Variants in PTPRD observed in about 807,000 individuals in gnomAD.
PTPRD encodes protein tyrosine phosphatase receptor type D.
PTPRD carries 34 observed loss-of-function variants against 214.5 expected under a neutral mutation model. That is an observed-to-expected ratio of 0.16 (90% CI 0.12 to 0.21). The LOEUF is 0.21. Among genes scored for constraint, PTPRD ranks in the 10% least tolerant of loss-of-function variants. The pLI is 1.00. For synonymous variants in PTPRD, 1,128 were observed against 845.7 expected, an observed-to-expected ratio of 1.33 and a Z score of -5.79; for missense variants, 2,545 against 2,398.7, an observed-to-expected ratio of 1.06 and a Z score of -1.27.
chr9:10,298,420 T>A (rs1162306807), intron 3 of PTPRD, among the ~76,000 whole-genome samples: 1 of 152,134 alleles, frequency 6.6e-6, no homozygotes, highest in East Asian at 1.9e-4. Context: ...ATGCATTCAA[T>A]TTCCAATAAC....
intron 35 of PTPRD, among the ~76,000 whole-genome samples, chr9:8,434,618 A>G (rs996570992): frequency 6.6e-6 from 1 of 152,194 alleles, no homozygotes; most frequent in African/African-American, 2.4e-5. Flanking sequence ...TTTGTAACCC[A>G]TTACATAACT....
At chr9:9,706,177 A>T (rs558678155) in intron 7 of PTPRD, among the ~76,000 whole-genome samples, 2 of 152,206 alleles carry the variant, frequency 1.3e-5, no homozygotes, top group South Asian at 4.2e-4. Flanking sequence ...TTACTCCCTA[A>T]TCTAGGGAAA....
intron 3 of PTPRD, among the ~76,000 whole-genome samples, chr9:10,243,365 C>T (rs1221122730): frequency 1.3e-5 from 2 of 151,888 alleles, no homozygotes; most frequent in African/African-American, 4.8e-5. Flanking sequence ...ATGTTTATCA[C>T]TTTGTCTACC....
At chr9:8,498,924 T>C (rs2097336455) in intron 25 of PTPRD, among the ~76,000 whole-genome samples, 1 of 152,184 alleles carries the variant, frequency 6.6e-6, no homozygotes. Flanking sequence ...CAATGCTCTG[T>C]TTTAAACAAC....
chr9:10,221,189 T>A (rs2099569829), intron 3 of PTPRD, among the ~76,000 whole-genome samples: 1 of 152,022 alleles, frequency 6.6e-6, no homozygotes, highest in African/African-American at 2.4e-5. Context: ...TGAAAAGTAT[T>A]TTCCCTTTGT....
intron 8 of PTPRD, among the ~76,000 whole-genome samples, chr9:9,469,626 T>C (rs997486464): frequency 2.6e-5 from 4 of 152,216 alleles, no homozygotes; most frequent in Non-Finnish European, 5.9e-5. Context: ...TTTGAGCATA[T>C]ACATTCTACA....
intron 9 of PTPRD, among the ~76,000 whole-genome samples, chr9:9,210,741 C>G (rs2099947991): frequency 6.6e-6 from 1 of 152,126 alleles, no homozygotes; most frequent in Admixed American, 6.5e-5. Flanking sequence ...CTAAACATCT[C>G]CTTTCTCTTT....
At chr9:8,690,745 T>C (rs949842389) in intron 12 of PTPRD, among the ~76,000 whole-genome samples, 2 of 152,092 alleles carry the variant, frequency 1.3e-5, no homozygotes, top group Non-Finnish European at 2.9e-5. Flanking sequence ...AATTTCACAA[T>C]AGTGAAATCT....
chr9:9,050,381 T>A (rs1009057097), intron 10 of PTPRD, among the ~76,000 whole-genome samples: 3 of 152,172 alleles, frequency 2.0e-5, no homozygotes, highest in African/African-American at 4.8e-5. Context: ...ATTTGAACCA[T>A]GGACGTTTCC....
At chr9:8,983,090 AT>A (rs1555648559) in intron 11 of PTPRD, among the ~76,000 whole-genome samples, 1 of 152,034 alleles carries the variant, frequency 6.6e-6, no homozygotes, top group Non-Finnish European at 1.5e-5. Flanking sequence ...TTTTTCATAA[AT>A]CATTTTTTCT....
chr9:9,397,103 G>C (rs1344701220), intron 9 of PTPRD, among the ~76,000 whole-genome samples: 1 of 151,910 alleles, frequency 6.6e-6, no homozygotes, highest in Non-Finnish European at 1.5e-5. Flanking sequence ...AGTATCCACT[G>C]GGTATTCTGC....
At chr9:9,353,488 G>A (rs1351281854) in intron 9 of PTPRD, among the ~76,000 whole-genome samples, 1 of 151,794 alleles carries the variant, frequency 6.6e-6, no homozygotes, top group Non-Finnish European at 1.5e-5. Flanking sequence ...GGCTGGGGCT[G>A]GGAGTCCACT....
chr9:9,775,778 C>T (rs1168168041), intron 5 of PTPRD, among the ~76,000 whole-genome samples: 1 of 151,900 alleles, frequency 6.6e-6, no homozygotes, highest in African/African-American at 2.4e-5. Flanking sequence ...CCAGTCTCTA[C>T]TGAAAATAGA....
At chr9:9,595,836 G>C (rs2093306450) in intron 7 of PTPRD, among the ~76,000 whole-genome samples, 1 of 151,604 alleles carries the variant, frequency 6.6e-6, no homozygotes, top group African/African-American at 2.4e-5. Flanking sequence ...CTACAAGCTG[G>C]GTGTAGTGTA....
chr9:9,024,578 G>C, intron 10 of PTPRD, among the ~76,000 whole-genome samples: 1 of 151,454 alleles, frequency 6.6e-6, no homozygotes, highest in East Asian at 1.9e-4. Flanking sequence ...CCACACTGAA[G>C]CTAATAGTAG....
chr9:8,546,477 T>C (rs974839473), intron 14 of PTPRD, among the ~76,000 whole-genome samples: 1 of 152,012 alleles, frequency 6.6e-6, no homozygotes, highest in Non-Finnish European at 1.5e-5. Context: ...AGGGGAATAT[T>C]ATGGTTTTTC....
intron 14 of PTPRD, among the ~76,000 whole-genome samples, chr9:8,577,041 T>C (rs950422212): frequency 1.3e-5 from 2 of 152,016 alleles, no homozygotes; most frequent in Non-Finnish European, 2.9e-5. Context: ...AAACAGCAAA[T>C]ATATTACTAA....
At chr9:9,608,225 G>C (rs960137134) in intron 7 of PTPRD, among the ~76,000 whole-genome samples, 4 of 152,146 alleles carry the variant, frequency 2.6e-5, no homozygotes, top group Non-Finnish European at 5.9e-5. Flanking sequence ...GCTTTCAAGA[G>C]TCAGTTACTA....
chr9:8,454,554 A>G (rs755465638), intron 33 of PTPRD: 2 of 1,612,392 alleles, frequency 1.2e-6, no homozygotes, highest in Non-Finnish European at 8.5e-7. Flanking sequence ...ACTGAACATT[A>G]AAGGGGTTTG....
Sources: allele counts gnomAD v4.1 joint callset (sites outside exome capture counted in the v4.1 genomes callset), GRCh38; gene constraint gnomAD v4.1.1; transcripts MANE v1.5; gene names NCBI Gene and HGNC (gene_info 2026-07-23, HGNC 2026-07-21).